Variants in EPHB1 observed in about 807,000 individuals in gnomAD.
EPHB1 encodes EPH receptor B1.
In EPHB1, 30 loss-of-function variants were observed where a neutral mutation model predicts 94.4. The ratio of observed to expected loss-of-function variants is 0.32; its 90% CI spans 0.24 to 0.43. EPHB1 has a LOEUF of 0.43. Among genes scored for constraint, EPHB1 ranks in the 20% least tolerant of loss-of-function variants. The pLI is 1.00. For missense variants in EPHB1, 1,055 were observed against 1,308.3 expected, an observed-to-expected ratio of 0.81 and a Z score of 2.99; for synonymous variants, 522 against 489.1, an observed-to-expected ratio of 1.07 and a Z score of -0.89.
intron 3 of EPHB1, among the ~76,000 whole-genome samples, chr3:134,973,173 C>T (rs1374853169): frequency 6.6e-6 from 1 of 152,192 alleles, no homozygotes; most frequent in East Asian, 1.9e-4. Context: ...CCTGTAGTCT[C>T]AGGTGTGCAG....
rs201213453 is a variant in EPHB1, at chr3:135,147,217, AC to A, written c.1298-6934del. Among the ~76,000 whole-genome samples, 738 of 152,192 alleles carry A rather than the reference AC, an allele frequency of 4.8e-3. 8 individuals are homozygous for A. The highest frequency in any genetic ancestry group is 0.017 in the African/African-American group (700 of 41,524). On this transcript the variant is annotated intron_variant, in intron 5 of 15. Transcript: ENST00000398015. ...ATTCCTTACCTTACCCGTTTTCTTC[AC>A]AGCTATGGTCTGTGCTATAGATCAC...
intron 2 of EPHB1, among the ~76,000 whole-genome samples, chr3:134,928,546 C>T (rs1325951170): frequency 6.6e-6 from 1 of 152,194 alleles, no homozygotes; most frequent in African/African-American, 2.4e-5. Flanking sequence ...ATGGTGCCAT[C>T]CTTGGAGTCA....
chr3:135,113,194 C>T (rs1939532242), intron 4 of EPHB1, among the ~76,000 whole-genome samples: 1 of 152,150 alleles, frequency 6.6e-6, no homozygotes, highest in Non-Finnish European at 1.5e-5. Context: ...ATGGTCTATA[C>T]ATCTGGATGC....
chr3:135,093,315 C>T (rs1171202197), intron 3 of EPHB1, among the ~76,000 whole-genome samples: 1 of 152,224 alleles, frequency 6.6e-6, no homozygotes, highest in Non-Finnish European at 1.5e-5. Context: ...CCGCACTCCA[C>T]TGCCCTCTCT....
chr3:134,814,212 T>C (rs1014070086), intron 1 of EPHB1, among the ~76,000 whole-genome samples: 3 of 152,168 alleles, frequency 2.0e-5, no homozygotes, highest in Non-Finnish European at 4.4e-5. Context: ...CAGACTGATA[T>C]ACCTGTTGCT....
chr3:134,932,200 G>A (rs2038919378), intron 2 of EPHB1, among the ~76,000 whole-genome samples: 1 of 152,154 alleles, frequency 6.6e-6, no homozygotes, highest in Admixed American at 6.5e-5. Context: ...GTATCTGAAT[G>A]TCCATGTTTG....
At chr3:134,964,363 AAAC>A (rs1933648289) in intron 3 of EPHB1, among the ~76,000 whole-genome samples, 2 of 152,230 alleles carry the variant, frequency 1.3e-5, no homozygotes, top group African/African-American at 2.4e-5. Flanking sequence ...TACAGAACAA[AAAC>A]AACAGAATGG....
intron 12 of EPHB1, among the ~76,000 whole-genome samples, chr3:135,226,616 GC>G (rs1236319776): frequency 1.3e-5 from 2 of 152,138 alleles, no homozygotes; most frequent in Non-Finnish European, 2.9e-5. Context: ...GTGATAACCA[GC>G]CCCATTCACC....
intron 3 of EPHB1, among the ~76,000 whole-genome samples, chr3:134,973,072 G>T (rs1038589898): frequency 2.3e-4 from 35 of 152,214 alleles, no homozygotes; most frequent in Non-Finnish European, 2.9e-4. Context: ...ATTGGAGTCT[G>T]ATTCAGATCA....
At chr3:135,095,791 C>T (rs1576379467) in intron 3 of EPHB1, among the ~76,000 whole-genome samples, 1 of 152,224 alleles carries the variant, frequency 6.6e-6, no homozygotes, top group African/African-American at 2.4e-5. Flanking sequence ...AGGCTGCTCT[C>T]TCCACCTGGA....
intron 4 of EPHB1, among the ~76,000 whole-genome samples, chr3:135,129,491 G>T (rs199975248): frequency 6.6e-6 from 1 of 152,174 alleles, no homozygotes; most frequent in Non-Finnish European, 1.5e-5. Flanking sequence ...CCTGTCTCAC[G>T]CTGGAGAGGG....
At chr3:134,834,373 C>T (rs891133023) in intron 1 of EPHB1, among the ~76,000 whole-genome samples, 2 of 152,142 alleles carry the variant, frequency 1.3e-5, no homozygotes, top group African/African-American at 2.4e-5. Context: ...CTCTAGTAGA[C>T]CTCCAGAGTT....
chr3:135,258,322 T>C (rs13085606), intron 15 of EPHB1, among the ~76,000 whole-genome samples: 12,550 of 152,178 alleles, frequency 0.082, 606 homozygotes, highest in Middle Eastern at 0.19. Flanking sequence ...AATGAGATAG[T>C]GTATGGCACG....
chr3:135,205,365 T>TGATA (rs908728355), intron 12 of EPHB1, among the ~76,000 whole-genome samples: 2 of 152,188 alleles, frequency 1.3e-5, no homozygotes, highest in African/African-American at 4.8e-5. Context: ...CTGCCATGTG[T>TGATA]GATACAATTT....
chr3:135,096,242 T>C (rs1938754463), intron 3 of EPHB1, among the ~76,000 whole-genome samples: 1 of 152,354 alleles, frequency 6.6e-6, no homozygotes, highest in African/African-American at 2.4e-5. Context: ...GGAAGTCACC[T>C]TAGCACCCCT....
chr3:134,999,191 T>G (rs377143993), intron 3 of EPHB1, among the ~76,000 whole-genome samples: 1 of 152,112 alleles, frequency 6.6e-6, no homozygotes, highest in African/African-American at 2.4e-5. Context: ...GTGGAAGCAG[T>G]TAGGCATAGA....
chr3:134,888,167 C>T (rs1236603657), intron 1 of EPHB1, among the ~76,000 whole-genome samples: 1 of 152,152 alleles, frequency 6.6e-6, no homozygotes, highest in Non-Finnish European at 1.5e-5. Flanking sequence ...GCAGTAGCTG[C>T]CCTTTCATCA....
chr3:134,815,437 T>A (rs1282583874), intron 1 of EPHB1, among the ~76,000 whole-genome samples: 1 of 151,986 alleles, frequency 6.6e-6, no homozygotes, highest in Non-Finnish European at 1.5e-5. Context: ...TTATGATATA[T>A]CCTATTGTAC....
At chr3:135,219,274 G>A (rs904245672) in intron 12 of EPHB1, among the ~76,000 whole-genome samples, 4 of 152,064 alleles carry the variant, frequency 2.6e-5, no homozygotes, top group African/African-American at 7.2e-5. Context: ...AAGATACATT[G>A]GAGTCCTTAC....
Sources: allele counts gnomAD v4.1 joint callset (sites outside exome capture counted in the v4.1 genomes callset), GRCh38; gene constraint gnomAD v4.1.1; transcripts MANE v1.5; gene names NCBI Gene and HGNC (gene_info 2026-07-23, HGNC 2026-07-21).